SNTA1: variants seen among roughly 807,000 people sequenced by gnomAD.
The protein encoded by SNTA1 is alpha-1-syntrophin.
A neutral mutation model predicts 47.1 loss-of-function variants in SNTA1; 31 were observed. The ratio of observed to expected loss-of-function variants is 0.66; its 90% CI spans 0.49 to 0.89. The LOEUF (loss-of-function observed/expected upper bound fraction) is 0.89, where lower values mean the gene tolerates loss of function less well. Ranked by LOEUF, SNTA1 falls within the 40% of genes least tolerant of loss-of-function variation. The pLI is 0.00. For missense variants in SNTA1, 575 were observed against 693.0 expected (o/e 0.83, Z 1.91); for synonymous variants, 300 against 313.6 (o/e 0.96, Z 0.46).
chr20:33,424,760 C>T (rs1239779866), intron 2 of SNTA1, among the ~76,000 whole-genome samples: 4 of 151,122 alleles, frequency 2.6e-5, no homozygotes, highest in Non-Finnish European at 5.9e-5. Flanking sequence ...GCAACCCACC[C>T]ATCTCAACCT....
At chr20:33,416,176 A>G (rs561099632) in intron 3 of SNTA1, among the ~76,000 whole-genome samples, 2 of 152,322 alleles carry the variant, frequency 1.3e-5, no homozygotes, top group African/African-American at 4.8e-5. Context: ...TTTTTGCCTC[A>G]TGGGGGCAGG....
chr20:33,437,097 T>C (rs1178958526), intron 2 of SNTA1, among the ~76,000 whole-genome samples: 2 of 151,322 alleles, frequency 1.3e-5, no homozygotes, highest in Non-Finnish European at 2.9e-5. Flanking sequence ...ACCTCATCTC[T>C]ACTAAAAATA....
intron 2 of SNTA1, among the ~76,000 whole-genome samples, chr20:33,430,287 CTTTT>C (rs951409757): frequency 7.6e-6 from 1 of 131,486 alleles, no homozygotes; most frequent in African/African-American, 2.8e-5. Flanking sequence ...TTACTTTTTT[CTTTT>C]TTTTTTTTTT....
chr20:33,408,549 G>A lies in SNTA1; in HGVS notation c.1476C>T (p.Ser492=). ...CPKTIVFIIH[S]FLSAKVTRLG... Reference sequence around the variant, plus strand: ...GGCGGGTGACTTTGGCCGACAGGAAGGAGTGGATGATGAAGACTATGGTTT... The same window carrying A: ...GGCGGGTGACTTTGGCCGACAGGAAAGAGTGGATGATGAAGACTATGGTTT... Residue 492 remains serine, a synonymous_variant, in exon 8 of 8, where the codon TCC becomes TCT. Transcript: ENST00000217381. 2 of 1,614,192 alleles carry A rather than the reference G, an allele frequency of 1.2e-6. No individual in the cohort carries two copies. The highest frequency in any genetic ancestry group is 8.5e-7 in the Non-Finnish European group (1 of 1,180,014).
Position 33,417,882 on chromosome 20 carries a change from TA to T in SNTA1, c.537del (p.Thr180LeufsTer38). ...TCCCAGCCGACCGAGGTCCCACCAGTAGAGTTCTTGAAATACGGTGAGACGT... is the reference window on the plus strand; with the variant it reads ...TCCCAGCCGACCGAGGTCCCACCAGTGAGTTCTTGAAATACGGTGAGACGT... Reference protein sequence around the residue: ...MKDVSPYFKNSTGGTSVGWDS... With the variant: ...MKDVSPYFKNXTGGTSVGWDS... On this transcript the variant is annotated frameshift_variant, in exon 3 of 8. Transcript: ENST00000217381. LOFTEE classifies it high-confidence loss of function. The T allele has an allele frequency of 1.2e-6, 2 of 1,614,072 alleles. No individual in the cohort carries two copies. The highest frequency in any genetic ancestry group is 1.7e-6 in the Non-Finnish European group (2 of 1,179,962).
intron 2 of SNTA1, among the ~76,000 whole-genome samples, chr20:33,423,893 C>G (rs1044757949): frequency 2.0e-5 from 3 of 152,178 alleles, no homozygotes; most frequent in Non-Finnish European, 2.9e-5. Context: ...CTTACCGCTG[C>G]TTGAAATTAG....
At chr20:33,442,225 TTCACCACCA>T (rs1379042768) in intron 1 of SNTA1, among the ~76,000 whole-genome samples, 1 of 152,102 alleles carries the variant, frequency 6.6e-6, no homozygotes, top group Non-Finnish European at 1.5e-5. Flanking sequence ...AGTGGTGGCA[TTCACCACCA>T]TCCCCACCGC....
At position 33,437,963 on chromosome 20, in the gene SNTA1, C is replaced by T. The variant is rs140975237; in HGVS notation, c.496+878G>A. Among the ~76,000 whole-genome samples, 702 of 152,368 alleles carry T rather than the reference C, an allele frequency of 4.6e-3. 5 individuals are homozygous for T. The highest frequency in any genetic ancestry group is 0.014 in the Middle Eastern group (4 of 294). On this transcript the variant is annotated intron_variant, in intron 2 of 7. Coordinates refer to ENST00000217381, the MANE Select transcript of SNTA1 (RefSeq NM_003098.3). Reference sequence around the variant, plus strand: ...ATTCAACCAAGGTTCCTCCACAAAACTCCTCTCTGATCCTGGCTGGAAGGA... The same window carrying T: ...ATTCAACCAAGGTTCCTCCACAAAATTCCTCTCTGATCCTGGCTGGAAGGA...
intron 2 of SNTA1, among the ~76,000 whole-genome samples, chr20:33,422,946 G>A (rs139950420): frequency 1.1e-3 from 163 of 152,112 alleles, no homozygotes; most frequent in African/African-American, 3.7e-3. Context: ...CATCACCTCC[G>A]CAGTCCCCTA....
chr20:33,439,257 A>C (rs1312535508), intron 1 of SNTA1, among the ~76,000 whole-genome samples: 1 of 152,098 alleles, frequency 6.6e-6, no homozygotes, highest in Non-Finnish European at 1.5e-5. Context: ...TAATCCCAGC[A>C]CCTTAGAAGG....
rs1989706189 is a variant in SNTA1 at position 33,410,242 on chromosome 20, T to TCCACACCGTGACGCGTGC, written c.1112_1129dup (p.Gly371_Val376dup). 6.2e-7 allele frequency: 1 copy of TCCACACCGTGACGCGTGC among 1,613,606 alleles called. No individual in the cohort carries two copies. Among genetic ancestry groups the TCCACACCGTGACGCGTGC allele is most frequent in the Non-Finnish European group, 8.5e-7 (1 of 1,179,966 alleles). On this transcript the variant is annotated inframe_insertion, in exon 6 of 8. Coordinates refer to ENST00000217381, the MANE Select transcript of SNTA1 (RefSeq NM_003098.3). Reference sequence around the variant, plus strand: ...TGACTCCACGCTGAACAGGTGAGTGTCCACACCGTGACGCGTGCCCGTGCG... The same window carrying TCCACACCGTGACGCGTGC: ...TGACTCCACGCTGAACAGGTGAGTGTCCACACCGTGACGCGTGCCCACACCGTGACGCGTGCCCGTGCG...
chr20:33,422,438 CAAA>C (rs57774332), intron 2 of SNTA1, among the ~76,000 whole-genome samples: 1 of 131,354 alleles, frequency 7.6e-6, no homozygotes. Context: ...GACTCTGTCT[CAAA>C]AAAAAAAAAA....
intron 6 of SNTA1, among the ~76,000 whole-genome samples, chr20:33,409,137 G>A (rs955630167): frequency 1.3e-5 from 2 of 152,264 alleles, no homozygotes; most frequent in East Asian, 1.9e-4. Flanking sequence ...ATGTGCCATG[G>A]ACAGGAGGCT....
rs763355692 is a variant in SNTA1, at chr20:33,434,701, CT to C, written c.496+4139del. Among the ~76,000 whole-genome samples, 1,283 of 144,786 alleles carry C rather than the reference CT, an allele frequency of 8.9e-3. 9 individuals carry two copies. Among genetic ancestry groups the C allele is most frequent in the African/African-American group, 0.021 (849 of 39,824 alleles). The allele number at this position is 144,786 out of a possible 152,430, so 95.0% of individuals were successfully genotyped here. On this transcript the variant is annotated intron_variant, in intron 2 of 7. Transcript: ENST00000217381. ...CACCAGTGGAGCTGACGCTTACACT[CT>C]TTTTTTTTTTTTTCCTACAGAGATG...
At chr20:33,432,024 C>T (rs1402325495) in intron 2 of SNTA1, among the ~76,000 whole-genome samples, 6 of 152,112 alleles carry the variant, frequency 3.9e-5, no homozygotes, top group East Asian at 1.9e-4. Context: ...CAAAGCTATG[C>T]GTGTGCACAG....
intron 5 of SNTA1, among the ~76,000 whole-genome samples, chr20:33,411,041 G>A (rs570459397): frequency 2.0e-4 from 30 of 152,244 alleles, no homozygotes; most frequent in African/African-American, 7.0e-4. Flanking sequence ...TCAGACCCCT[G>A]CAGCTTGACT....
intron 5 of SNTA1, 48 bp downstream of exon 5, chr20:33,412,248 T>A: frequency 5.0e-6 from 8 of 1,586,126 alleles, no homozygotes; most frequent in Non-Finnish European, 6.8e-6. Flanking sequence ...TGCTGGAGCA[T>A]CTCCTGGCAA....
intron 2 of SNTA1, among the ~76,000 whole-genome samples, chr20:33,425,085 C>T (rs1330756704): frequency 6.6e-6 from 1 of 151,548 alleles, no homozygotes; most frequent in African/African-American, 2.4e-5. Context: ...CACTGCACTC[C>T]ACCCTAGGTG....
chr20:33,409,706 C>T (rs889232728), intron 6 of SNTA1, among the ~76,000 whole-genome samples: 2 of 151,914 alleles, frequency 1.3e-5, no homozygotes, highest in African/African-American at 2.4e-5. Context: ...CAATCTGGGC[C>T]CACTACAACC....
Sources: gnomAD v4.1 joint callset for allele counts (sites outside exome capture counted in the v4.1 genomes callset) on GRCh38, gnomAD v4.1.1 for gene constraint, MANE v1.5 for transcripts, NCBI Gene and HGNC (gene_info 2026-07-23, HGNC 2026-07-21) for gene names.